ELK3: variants seen among roughly 807,000 people sequenced by gnomAD.
ELK3 encodes the protein ETS domain-containing protein Elk-3.
Under a neutral mutation model 28.9 loss-of-function variants are expected in ELK3, and 10 were observed. That is an observed-to-expected ratio of 0.35 (90% CI 0.21 to 0.59). The LOEUF (loss-of-function observed/expected upper bound fraction) is 0.59, where lower values mean the gene tolerates loss of function less well. ELK3 is among the 20% of genes least tolerant of loss of function. The pLI is 0.82. For missense variants in ELK3, 463 were observed against 517.3 expected (o/e 0.90, Z 1.02); for synonymous variants, 272 against 243.5 (o/e 1.12, Z -1.09).
At position 96,267,280 on chromosome 12, in the gene ELK3, G is replaced by A. The variant is rs374336481; in HGVS notation, c.*100G>A. On this transcript the variant is annotated 3_prime_UTR_variant, in exon 5 of 5. Transcript: ENST00000228741. The stretch of plus-strand genomic sequence containing the variant: ...GTGAGAAGGACATTGTGAAACTCTT[G>A]TTAATTTGGTTTGCACTTTTCATAA... The A allele has an allele frequency of 1.2e-4, 120 of 1,015,906 alleles. No individual in the cohort carries two copies. In the African/African-American group the frequency reaches 1.9e-3, roughly 16 times the overall value. The allele number at this position is 1,015,906 out of a possible 1,614,324, so 62.9% of individuals were successfully genotyped here. A position where few individuals can be genotyped will look rare whatever the true frequency, so the allele number is the denominator to read the frequency against.
chr12:96,246,664 A>AATC (rs1376158978), intron 2 of ELK3, among the ~76,000 whole-genome samples: 21 of 152,224 alleles, frequency 1.4e-4, no homozygotes, highest in East Asian at 7.7e-4. Flanking sequence ...CTGTCTAAGA[A>AATC]ATCATCATCA....
chr12:96,244,447 A>ATTT (rs34067649), intron 2 of ELK3, among the ~76,000 whole-genome samples: 2 of 139,608 alleles, frequency 1.4e-5, no homozygotes, highest in Admixed American at 7.2e-5. Context: ...GAAAATTAGA[A>ATTT]TTTTTTTTTT....
chr12:96,252,351 G>C (rs1415201181), intron 3 of ELK3, among the ~76,000 whole-genome samples: 1 of 152,132 alleles, frequency 6.6e-6, no homozygotes, highest in African/African-American at 2.4e-5. Flanking sequence ...AGAAGTCAAG[G>C]AGTAATTTTG....
At chr12:96,194,889 G>A (rs1019734877) in intron 1 of ELK3, among the ~76,000 whole-genome samples, 184 bp downstream of exon 1, 2 of 145,274 alleles carry the variant, frequency 1.4e-5, no homozygotes, top group Non-Finnish European at 3.0e-5. Flanking sequence ...GGGAGGGGGC[G>A]CCGCGGATGC....
At chr12:96,207,611 A>G (rs1227871812) in intron 1 of ELK3, among the ~76,000 whole-genome samples, 1 of 152,250 alleles carries the variant, frequency 6.6e-6, no homozygotes, top group African/African-American at 2.4e-5. Context: ...TCCTTGCTTC[A>G]GGAACCACCT....
chr12:96,199,341 T>C (rs1951493556), intron 1 of ELK3, among the ~76,000 whole-genome samples: 2 of 152,322 alleles, frequency 1.3e-5, no homozygotes, highest in African/African-American at 4.8e-5. Flanking sequence ...TGTTTTAAAT[T>C]GATTTTTAGC....
At chr12:96,222,335 A>C (rs1046944494) in intron 1 of ELK3, among the ~76,000 whole-genome samples, 5 of 152,212 alleles carry the variant, frequency 3.3e-5, no homozygotes, top group African/African-American at 1.2e-4. Context: ...AAGGAACAGC[A>C]TTTTAGCCAG....
At chr12:96,266,863 A>G (rs1423218638) in intron 4 of ELK3, among the ~76,000 whole-genome samples, 1 of 152,222 alleles carries the variant, frequency 6.6e-6, no homozygotes, top group Non-Finnish European at 1.5e-5. Flanking sequence ...ATATAGAATA[A>G]TTAGGGACAT....
At chr12:96,224,783 T>A (rs1286302444) in intron 2 of ELK3, among the ~76,000 whole-genome samples, 3 of 152,220 alleles carry the variant, frequency 2.0e-5, no homozygotes, top group African/African-American at 7.2e-5. Flanking sequence ...AGAGCCATGA[T>A]AATGGTAAGC....
chr12:96,217,355 G>A (rs1333234384), intron 1 of ELK3, among the ~76,000 whole-genome samples: 10 of 152,248 alleles, frequency 6.6e-5, no homozygotes. Flanking sequence ...TTACAACGTT[G>A]TTGACTATAG....
chr12:96,231,735 C>T (rs1386869216), intron 2 of ELK3, among the ~76,000 whole-genome samples: 4 of 152,174 alleles, frequency 2.6e-5, no homozygotes, highest in Non-Finnish European at 4.4e-5. Context: ...CTGCTCGCCT[C>T]GGCCTCCCAA....
At chr12:96,245,112 G>T (rs1199024579) in intron 2 of ELK3, among the ~76,000 whole-genome samples, 1 of 152,100 alleles carries the variant, frequency 6.6e-6, no homozygotes, top group Non-Finnish European at 1.5e-5. Flanking sequence ...GCTCAGTGAG[G>T]TTTCTCCATG....
At chr12:96,203,661 C>T (rs1357309594) in intron 1 of ELK3, among the ~76,000 whole-genome samples, 1 of 152,176 alleles carries the variant, frequency 6.6e-6, no homozygotes, top group Non-Finnish European at 1.5e-5. Flanking sequence ...TAAAGACAGG[C>T]TGGGCGCGGT....
Position 96,246,968 on chromosome 12 carries a change from A to G in ELK3, c.236A>G (p.Lys79Arg). 6.2e-7 allele frequency: 1 copy of G among 1,604,188 alleles called. No individual in the cohort carries two copies. ...ATCATCAAGAAGGTGATCGGGCAGA[A>G]GTTTGTGTACAAGTTTGTCTCTTTC... Reference protein sequence around the residue: ...KNIIKKVIGQKFVYKFVSFPE... With the variant: ...KNIIKKVIGQRFVYKFVSFPE... Residue 79 changes from lysine (K) to arginine (R), a missense_variant, in exon 3 of 5, where the codon AAG becomes AGG. By Grantham distance (26) the Lys-to-Arg change is conservative (BLOSUM62 2). This residue lies in a region of ELK3 where 55 missense variants were observed against 102.5 expected (regional missense o/e 0.54). Transcript: ENST00000228741.
At chr12:96,200,158 TC>T (rs1951499600) in intron 1 of ELK3, among the ~76,000 whole-genome samples, 1 of 152,218 alleles carries the variant, frequency 6.6e-6, no homozygotes, top group African/African-American at 2.4e-5. Context: ...GGTAATTAGA[TC>T]CATCATCTCA....
At chr12:96,200,303 A>G (rs1951500373) in intron 1 of ELK3, among the ~76,000 whole-genome samples, 6 of 152,108 alleles carry the variant, frequency 3.9e-5, no homozygotes. Context: ...ACCTTCTCTT[A>G]AGACTGATGA....
chr12:96,198,956 C>T (rs534002918), intron 1 of ELK3, among the ~76,000 whole-genome samples: 65 of 152,232 alleles, frequency 4.3e-4, no homozygotes, highest in African/African-American at 1.5e-3. Context: ...TTGGCTCAAC[C>T]ATGGATTGAC....
intron 2 of ELK3, among the ~76,000 whole-genome samples, chr12:96,242,073 C>T (rs896799764): frequency 6.6e-6 from 1 of 152,250 alleles, no homozygotes; most frequent in African/African-American, 2.4e-5. Context: ...AGACCAGCAT[C>T]GCTCAGGTTA....
intron 1 of ELK3, among the ~76,000 whole-genome samples, chr12:96,219,588 G>C (rs1198901436): frequency 2.0e-5 from 3 of 152,150 alleles, no homozygotes; most frequent in African/African-American, 7.2e-5. Flanking sequence ...GCAGCTGGTG[G>C]CCCACTGCCC....
Sources: gnomAD v4.1 joint callset for allele counts (sites outside exome capture counted in the v4.1 genomes callset) on GRCh38, gnomAD v4.1.1 for gene constraint, gnomAD v4.1.1 regional missense constraint, MANE v1.5 for transcripts, NCBI Gene and HGNC (gene_info 2026-07-23, HGNC 2026-07-21) for gene names.